BTBD7: variants seen among roughly 807,000 people sequenced by gnomAD.
BTBD7 encodes BTB domain containing 7.
BTBD7 carries 38 observed loss-of-function variants against 99.9 expected under a neutral mutation model. The ratio of observed to expected loss-of-function variants is 0.38; its 90% CI spans 0.29 to 0.50. BTBD7 has a LOEUF of 0.50. Among genes scored for constraint, BTBD7 ranks in the 20% least tolerant of loss-of-function variants. The probability of loss-of-function intolerance (pLI) is 0.93; values close to 1 mark genes in which losing one functional copy is unlikely to be tolerated. For synonymous variants in BTBD7, 520 were observed against 511.4 expected, an observed-to-expected ratio of 1.02 and a Z score of -0.23; for missense variants, 1,170 against 1,394.6, an observed-to-expected ratio of 0.84 and a Z score of 2.57.
At chr14:93,278,055 A>G (rs189682937) in intron 3 of BTBD7, among the ~76,000 whole-genome samples, 13 of 152,346 alleles carry the variant, frequency 8.5e-5, no homozygotes, top group African/African-American at 3.1e-4. Flanking sequence ...ATAGTAAATT[A>G]TTATAATGGA....
intron 1 of BTBD7, among the ~76,000 whole-genome samples, chr14:93,303,097 G>A (rs1312298043): frequency 6.6e-6 from 1 of 152,206 alleles, no homozygotes; most frequent in Non-Finnish European, 1.5e-5. Context: ...AAAGCACAGA[G>A]TAGTAAGAGC....
intron 3 of BTBD7, among the ~76,000 whole-genome samples, chr14:93,286,788 A>AT: frequency 6.6e-6 from 1 of 152,196 alleles, no homozygotes; most frequent in Non-Finnish European, 1.5e-5. Context: ...ACCAATGGAG[A>AT]TAAGTAACAG....
chr14:93,291,651 A>G (rs1193391484), intron 3 of BTBD7, among the ~76,000 whole-genome samples: 1 of 152,064 alleles, frequency 6.6e-6, no homozygotes, highest in Non-Finnish European at 1.5e-5. Flanking sequence ...AAAGAAGAGC[A>G]TATATATCCA....
chr14:93,264,036 T>C (rs2052517091), intron 3 of BTBD7, 43 bp from the exon 4 acceptor site: 1 of 1,550,692 alleles, frequency 6.4e-7, no homozygotes, highest in Non-Finnish European at 8.9e-7. Context: ...ATCATAAATA[T>C]TACTTATTGA....
In BTBD7 at chr14:93,314,975, C is replaced by T. The variant is rs546226576; in HGVS notation, c.-107+17845G>A. Among the ~76,000 whole-genome samples the T allele has an allele frequency of 9.6e-4, 146 of 152,186 alleles. 2 individuals carry two copies. Among genetic ancestry groups the T allele is most frequent in the African/African-American group, 3.3e-3 (139 of 41,524 alleles). On this transcript the variant is annotated intron_variant, in intron 1 of 10. Transcript: ENST00000334746. ...TCTATATTAATGTTAAAATAATAAA[C>T]GGAAAATATTCATACGGGCCTTTTA...
intron 1 of BTBD7, among the ~76,000 whole-genome samples, chr14:93,318,133 G>A (rs896817906): frequency 1.3e-5 from 2 of 152,230 alleles, no homozygotes; most frequent in Middle Eastern, 3.4e-3. Flanking sequence ...GTGATCTTGC[G>A]GATTCAAAAT....
At chr14:93,257,480 G>T in intron 5 of BTBD7, 125 bp from the exon 6 acceptor site, 1 of 785,130 alleles carries the variant, frequency 1.3e-6, no homozygotes. Flanking sequence ...CTTTAAAAAG[G>T]GTTATAAATC....
rs770817715 is a variant in BTBD7 at position 93,243,050 on chromosome 14, G to A, written c.2622C>T (p.Ile874=). 3 of 1,614,002 alleles carry A rather than the reference G, an allele frequency of 1.9e-6. No individual in the cohort carries two copies. The highest frequency in any genetic ancestry group is 2.5e-6 in the Non-Finnish European group (3 of 1,179,996). Residue 874 remains isoleucine, a synonymous_variant, in exon 11 of 11, where the codon ATC becomes ATT. Coordinates refer to ENST00000334746, the MANE Select transcript of BTBD7 (RefSeq NM_001002860.4). ...QPVLNDLMPD[I]AVGVSTLSLK... ...GTGACAGTGTGGACACACCCACCGC[G>A]ATGTCTGGCATCAGATCATTCAGCA... is the stretch of plus-strand genomic sequence containing the variant.
At chr14:93,319,970 A>C (rs1054475911) in intron 1 of BTBD7, among the ~76,000 whole-genome samples, 1 of 152,348 alleles carries the variant, frequency 6.6e-6, no homozygotes, top group Admixed American at 6.5e-5. Flanking sequence ...CTGATAAAGA[A>C]AATAAAAATG....
At chr14:93,289,276 C>A (rs1488211597) in intron 3 of BTBD7, among the ~76,000 whole-genome samples, 2 of 152,164 alleles carry the variant, frequency 1.3e-5, no homozygotes. Flanking sequence ...AAGAACAAAA[C>A]CACATCCTTT....
intron 3 of BTBD7, among the ~76,000 whole-genome samples, chr14:93,280,374 G>A (rs758750840): frequency 6.6e-5 from 10 of 152,294 alleles, no homozygotes; most frequent in Middle Eastern, 3.4e-3. Flanking sequence ...CACTGACAAC[G>A]AAAACCTAAT....
chr14:93,312,305 T>C (rs904171597), intron 1 of BTBD7, among the ~76,000 whole-genome samples: 1 of 152,262 alleles, frequency 6.6e-6, no homozygotes, highest in Non-Finnish European at 1.5e-5. Flanking sequence ...GTCTTAGTTC[T>C]ACCAATAAAA....
At chr14:93,310,224 A>G (rs1383238164) in intron 1 of BTBD7, among the ~76,000 whole-genome samples, 1 of 152,212 alleles carries the variant, frequency 6.6e-6, no homozygotes, top group African/African-American at 2.4e-5. Context: ...ATTTACCTCT[A>G]AAAGGATGTA....
chr14:93,288,861 G>T, intron 3 of BTBD7: 1 of 1,130,836 alleles, frequency 8.8e-7, no homozygotes, highest in Admixed American at 3.0e-5. Context: ...GTATTTGCCT[G>T]GCTGGTATTA....
chr14:93,255,193 T>TG (rs2052415593), intron 6 of BTBD7, among the ~76,000 whole-genome samples: 1 of 152,190 alleles, frequency 6.6e-6, no homozygotes, highest in Admixed American at 6.5e-5. Flanking sequence ...TTGCCCAGGC[T>TG]GGAGGGCAAT....
At chr14:93,301,528 C>T (rs928995503) in intron 1 of BTBD7, among the ~76,000 whole-genome samples, 12 of 151,782 alleles carry the variant, frequency 7.9e-5, no homozygotes, top group African/African-American at 2.2e-4. Flanking sequence ...TACACACACA[C>T]ATATACATAA....
intron 1 of BTBD7, among the ~76,000 whole-genome samples, chr14:93,312,966 C>G (rs2053156125): frequency 6.6e-6 from 1 of 152,128 alleles, no homozygotes; most frequent in Admixed American, 6.5e-5. Context: ...TATGGTATAC[C>G]AAACATTTAC....
At chr14:93,257,171 G>A (rs934821236) in intron 6 of BTBD7, 24 bp downstream of exon 6, 2 of 1,602,930 alleles carry the variant, frequency 1.2e-6, no homozygotes, top group African/African-American at 2.7e-5. Context: ...TTCATGAAAG[G>A]AATACATGGA....
intron 1 of BTBD7, among the ~76,000 whole-genome samples, chr14:93,329,622 A>G (rs976941471): frequency 7.9e-5 from 12 of 152,248 alleles, no homozygotes; most frequent in African/African-American, 2.9e-4. Flanking sequence ...TTAAAAAGAA[A>G]GCAAATTGTG....
Sources: gnomAD v4.1 joint callset for allele counts (sites outside exome capture counted in the v4.1 genomes callset) on GRCh38, gnomAD v4.1.1 for gene constraint, MANE v1.5 for transcripts, NCBI Gene and HGNC (gene_info 2026-07-23, HGNC 2026-07-21) for gene names.